Variants in LARGE1 observed in about 807,000 individuals in gnomAD.
The protein encoded by LARGE1 is LARGE xylosyl- and glucuronyltransferase 1.
In LARGE1, 43 loss-of-function variants were observed where a neutral mutation model predicts 87.6. That is an observed-to-expected ratio of 0.49 (90% CI 0.38 to 0.63). LARGE1 has a LOEUF of 0.63. Among genes scored for constraint, LARGE1 ranks in the 30% least tolerant of loss-of-function variants. The pLI, the probability that LARGE1 is intolerant of heterozygous loss-of-function variation, is 0.00. For synonymous variants in LARGE1, 434 were observed against 394.6 expected, an observed-to-expected ratio of 1.10 and a Z score of -1.18; for missense variants, 802 against 1,000.2, an observed-to-expected ratio of 0.80 and a Z score of 2.67.
intron 12 of LARGE1, among the ~76,000 whole-genome samples, chr22:33,287,272 C>G (rs1234500746): frequency 6.6e-6 from 1 of 152,212 alleles, no homozygotes; most frequent in East Asian, 1.9e-4. Context: ...ACAACCCTAA[C>G]CAATATACTG....
chr22:33,856,666 G>A (rs1405885787), intron 1 of LARGE1: 1 of 152,240 alleles, frequency 6.6e-6, no homozygotes, highest in African/African-American at 2.4e-5. Flanking sequence ...AGATCGCCCT[G>A]CTGAAAAACG....
At chr22:33,436,498 T>A (rs538192110) in intron 6 of LARGE1, 20 of 154,050 alleles carry the variant, frequency 1.3e-4, no homozygotes, top group African/African-American at 4.6e-4. Flanking sequence ...AACCTAGAAG[T>A]TAGTTATTAG....
intron 7 of LARGE1, among the ~76,000 whole-genome samples, chr22:33,425,865 T>C (rs909315730): frequency 6.6e-6 from 1 of 152,184 alleles, no homozygotes; most frequent in Non-Finnish European, 1.5e-5. Context: ...GCCTCCTGAG[T>C]AGCTGGGACT....
At chr22:33,678,844 C>T (rs964956008) in intron 2 of LARGE1, among the ~76,000 whole-genome samples, 2 of 152,172 alleles carry the variant, frequency 1.3e-5, no homozygotes, top group Admixed American at 6.5e-5. Context: ...TGCTGGGAAC[C>T]GAAGTACATT....
intron 6 of LARGE1, among the ~76,000 whole-genome samples, chr22:33,465,145 T>C (rs1027631508): frequency 1.3e-5 from 2 of 152,240 alleles, no homozygotes; most frequent in African/African-American, 4.8e-5. Flanking sequence ...TCAGTTTACA[T>C]GGCGCGACAT....
At chr22:33,846,601 CTT>C (rs1219782160) in intron 1 of LARGE1, among the ~76,000 whole-genome samples, 1 of 152,184 alleles carries the variant, frequency 6.6e-6, no homozygotes, top group African/African-American at 2.4e-5. Flanking sequence ...CCATATTTCT[CTT>C]CTTTCAAAAG....
chr22:33,880,762 T>C (rs532185102), intron 1 of LARGE1, among the ~76,000 whole-genome samples: 40 of 152,316 alleles, frequency 2.6e-4, no homozygotes, highest in Admixed American at 1.2e-3. Context: ...ATGGATATTT[T>C]CATTCCCTCT....
chr22:33,812,814 A>G (rs1025441101), intron 1 of LARGE1, among the ~76,000 whole-genome samples: 10 of 152,244 alleles, frequency 6.6e-5, no homozygotes, highest in Non-Finnish European at 1.3e-4. Context: ...TGCCCTGACA[A>G]CACGCCAGGC....
upstream of LARGE1, among the ~76,000 whole-genome samples, chr22:33,922,235 G>C (rs985090116): frequency 2.6e-5 from 3 of 115,432 alleles, no homozygotes; most frequent in African/African-American, 9.9e-5. Flanking sequence ...CGCCGAGCTT[G>C]GGTTGCCCAG....
intron 1 of LARGE1, among the ~76,000 whole-genome samples, chr22:33,858,723 C>T (rs2063828003): frequency 6.6e-6 from 1 of 152,184 alleles, no homozygotes; most frequent in Admixed American, 6.5e-5. Flanking sequence ...ATAAATTATT[C>T]TACTATAAAG....
intron 6 of LARGE1, among the ~76,000 whole-genome samples, chr22:33,514,751 G>A (rs1331712994): frequency 6.6e-6 from 1 of 152,134 alleles, no homozygotes; most frequent in Non-Finnish European, 1.5e-5. Flanking sequence ...TAGTCTACAC[G>A]TGGAGGAGAG....
chr22:33,494,108 A>C (rs894062675), intron 6 of LARGE1, among the ~76,000 whole-genome samples: 3 of 152,238 alleles, frequency 2.0e-5, no homozygotes, highest in African/African-American at 7.2e-5. Context: ...AAGTTTGAAC[A>C]CTAATTTATA....
intron 2 of LARGE1, among the ~76,000 whole-genome samples, chr22:33,678,234 C>T (rs867909840): frequency 6.6e-6 from 1 of 152,164 alleles, no homozygotes; most frequent in Non-Finnish European, 1.5e-5. Context: ...TCTTATTTTA[C>T]GTAAAGGGAT....
chr22:33,236,222 C>CA (rs1472724517), intron 11 of LARGE1, among the ~76,000 whole-genome samples: 2 of 152,158 alleles, frequency 1.3e-5, no homozygotes, highest in Non-Finnish European at 2.9e-5. Flanking sequence ...TTGAGCCTCC[C>CA]AGTTTGCATG....
At chr22:33,099,507 C>T in the LARGE1 span, among the ~76,000 whole-genome samples, 763 of 152,284 alleles carry the variant, frequency 5.0e-3, 6 homozygotes, top group African/African-American at 0.018. Flanking sequence ...CTGCCTTGGC[C>T]TCCCAAAGTG....
At chr22:33,438,314 G>A (rs1017362829) in intron 6 of LARGE1, among the ~76,000 whole-genome samples, 3 of 152,112 alleles carry the variant, frequency 2.0e-5, no homozygotes, top group African/African-American at 7.2e-5. Context: ...TGCCTGTCTC[G>A]TCTTCTTGGG....
chr22:33,574,030 A>C (rs2078281876), intron 5 of LARGE1, among the ~76,000 whole-genome samples: 1 of 152,196 alleles, frequency 6.6e-6, no homozygotes, highest in South Asian at 2.1e-4. Context: ...TCATTCCTGC[A>C]ACATCTTATT....
intron 1 of LARGE1, among the ~76,000 whole-genome samples, chr22:33,764,632 C>A (rs1771814163): frequency 6.6e-6 from 1 of 152,072 alleles, no homozygotes; most frequent in Non-Finnish European, 1.5e-5. Flanking sequence ...GTGCCATGTG[C>A]CTATAATCCC....
intron 2 of LARGE1, among the ~76,000 whole-genome samples, chr22:33,760,990 C>T (rs992950663): frequency 2.6e-5 from 4 of 152,076 alleles, no homozygotes; most frequent in Admixed American, 6.5e-5. Context: ...ACCACCACCA[C>T]CACCACGATG....
Sources: allele counts gnomAD v4.1 joint callset (sites outside exome capture counted in the v4.1 genomes callset), GRCh38; gene constraint gnomAD v4.1.1; transcripts MANE v1.5; gene names NCBI Gene and HGNC (gene_info 2026-07-23, HGNC 2026-07-21).